The following PROS1 variants were observed in gnomAD, a reference collection of about 807,000 sequenced individuals.
PROS1 encodes the protein protein S.
A neutral mutation model predicts 75.9 loss-of-function variants in PROS1; 29 were observed. The observed-to-expected ratio is 0.38, with a 90% CI of 0.28 to 0.52. The LOEUF is 0.52. Among genes scored for constraint, PROS1 ranks in the 20% least tolerant of loss-of-function variants. The pLI is 0.83. For synonymous variants in PROS1, 245 were observed against 280.6 expected (o/e 0.87, Z 1.27); for missense variants, 680 against 810.3 (o/e 0.84, Z 1.95).
intron 7 of PROS1, among the ~76,000 whole-genome samples, chr3:93,900,354 A>C (rs1200093007): frequency 1.3e-5 from 2 of 152,208 alleles, no homozygotes; most frequent in Non-Finnish European, 2.9e-5. Flanking sequence ...TAAATGATTT[A>C]TTTATATATG....
intron 1 of PROS1, among the ~76,000 whole-genome samples, chr3:93,962,601 A>C (rs1369282332): frequency 1.3e-5 from 2 of 152,196 alleles, no homozygotes; most frequent in African/African-American, 4.8e-5. Flanking sequence ...TCTAAGACCT[A>C]ATGTATGCTG....
chr3:93,899,812 G>A (rs1291298193), intron 7 of PROS1, among the ~76,000 whole-genome samples: 2 of 152,194 alleles, frequency 1.3e-5, no homozygotes, highest in African/African-American at 4.8e-5. Context: ...AATGGTTACT[G>A]CTTAAGAGTT....
intron 1 of PROS1, among the ~76,000 whole-genome samples, chr3:93,942,168 T>C (rs1709298675): frequency 6.6e-6 from 1 of 152,170 alleles, no homozygotes; most frequent in Non-Finnish European, 1.5e-5. Flanking sequence ...TATGCTATAG[T>C]ATCTTCCACA....
intron 1 of PROS1, among the ~76,000 whole-genome samples, chr3:93,973,386 A>G (rs1709910939): frequency 6.6e-6 from 1 of 152,142 alleles, no homozygotes; most frequent in Admixed American, 6.5e-5. Flanking sequence ...TCAGCTTTGA[A>G]GGGAAATGGG....
intron 10 of PROS1, among the ~76,000 whole-genome samples, chr3:93,891,701 C>A (rs747831330): frequency 6.6e-6 from 1 of 152,136 alleles, no homozygotes; most frequent in African/African-American, 2.4e-5. Context: ...TGAGCCACTG[C>A]GCCCAGCCTA....
chr3:93,937,288 A>C (rs1162497997), intron 1 of PROS1, among the ~76,000 whole-genome samples: 1 of 152,184 alleles, frequency 6.6e-6, no homozygotes, highest in African/African-American at 2.4e-5. Flanking sequence ...TTGAAACAGA[A>C]CAGAGCAGGG....
At chr3:93,935,359 C>T (rs1460065402) in intron 1 of PROS1, among the ~76,000 whole-genome samples, 1 of 152,164 alleles carries the variant, frequency 6.6e-6, no homozygotes, top group Non-Finnish European at 1.5e-5. Flanking sequence ...GACCCCAAAA[C>T]ATCATTTGAT....
intron 7 of PROS1, among the ~76,000 whole-genome samples, chr3:93,900,073 G>A (rs1708566369): frequency 6.6e-6 from 1 of 152,102 alleles, no homozygotes; most frequent in African/African-American, 2.4e-5. Context: ...CAGTAAATCT[G>A]TTTTAAAATT....
At chr3:93,884,918 C>G in intron 11 of PROS1, 22 bp from the exon 12 acceptor site, 1 of 1,602,688 alleles carries the variant, frequency 6.2e-7, no homozygotes, top group Non-Finnish European at 8.5e-7. Context: ...AAATACAAGT[C>G]AAGGAGTGCA....
intron 3 of PROS1, among the ~76,000 whole-genome samples, chr3:93,911,371 T>C (rs1417632352): frequency 6.6e-6 from 1 of 152,152 alleles, no homozygotes; most frequent in Non-Finnish European, 1.5e-5. Context: ...CAAAAATATA[T>C]TTCTTAAGAG....
At chr3:93,963,907 C>G (rs1240995393) in intron 1 of PROS1, among the ~76,000 whole-genome samples, 2 of 152,060 alleles carry the variant, frequency 1.3e-5, no homozygotes, top group African/African-American at 4.8e-5. Flanking sequence ...CCTTTTCTTT[C>G]TTTTCTGTTG....
At chr3:93,921,338 C>A (rs966483871) in intron 3 of PROS1, among the ~76,000 whole-genome samples, 44 of 152,298 alleles carry the variant, frequency 2.9e-4, no homozygotes, top group African/African-American at 9.6e-4. Context: ...TTTATTCCCT[C>A]ACTTAAATTT....
intron 1 of PROS1, among the ~76,000 whole-genome samples, chr3:93,970,227 C>T (rs1389077814): frequency 6.6e-6 from 1 of 152,174 alleles, no homozygotes; most frequent in Non-Finnish European, 1.5e-5. Context: ...CCCAGGGTGG[C>T]AGTCTAGATA....
chr3:93,904,303 T>C (rs1395261574), intron 6 of PROS1, among the ~76,000 whole-genome samples: 4 of 152,194 alleles, frequency 2.6e-5, no homozygotes, highest in Non-Finnish European at 5.9e-5. Context: ...TATAGCAGCA[T>C]GATTTATAGT....
At chr3:93,954,063 G>C (rs536841327) in intron 1 of PROS1, among the ~76,000 whole-genome samples, 6 of 152,142 alleles carry the variant, frequency 3.9e-5, no homozygotes, top group Non-Finnish European at 8.8e-5. Context: ...CCTGCTCAAC[G>C]AAATAAAAGA....
intron 12 of PROS1, 81 bp downstream of exon 12, chr3:93,884,647 T>A: frequency 6.9e-7 from 1 of 1,439,274 alleles, no homozygotes; most frequent in Non-Finnish European, 9.7e-7. Flanking sequence ...CAATAATGTT[T>A]CACAAATAAA....
At chr3:93,904,300 G>C (rs1708642157) in intron 6 of PROS1, among the ~76,000 whole-genome samples, 1 of 152,100 alleles carries the variant, frequency 6.6e-6, no homozygotes, top group African/African-American at 2.4e-5. Flanking sequence ...CTTTATAGCA[G>C]CATGATTTAT....
chr3:93,926,526 G>A (rs1225231939), intron 2 of PROS1, among the ~76,000 whole-genome samples: 1 of 152,170 alleles, frequency 6.6e-6, no homozygotes, highest in Non-Finnish European at 1.5e-5. Flanking sequence ...CACCTACTCA[G>A]GTGGCTGAGG....
At chr3:93,897,380 G>T (rs928813171) in intron 8 of PROS1, among the ~76,000 whole-genome samples, 2 of 151,966 alleles carry the variant, frequency 1.3e-5, no homozygotes, top group Non-Finnish European at 2.9e-5. Flanking sequence ...ATTTTGAGGA[G>T]AATTACGTAC....
Sources: gnomAD v4.1 joint callset for allele counts (sites outside exome capture counted in the v4.1 genomes callset) on GRCh38, gnomAD v4.1.1 for gene constraint, MANE v1.5 for transcripts, NCBI Gene and HGNC (gene_info 2026-07-23, HGNC 2026-07-21) for gene names.